Variants in DDX25 observed in about 807,000 individuals in gnomAD.
DDX25 encodes the protein DEAD-box helicase 25.
In DDX25, 70 loss-of-function variants were observed where a neutral mutation model predicts 64.6. The observed-to-expected ratio is 1.08, with a 90% CI of 0.89 to 1.32. The LOEUF is 1.32. Ranked by LOEUF, DDX25 falls within the 40% of genes most tolerant of loss-of-function variation. The pLI, the probability that DDX25 is intolerant of heterozygous loss-of-function variation, is 0.00. For missense variants in DDX25, 587 were observed against 604.4 expected (o/e 0.97, Z 0.30); for synonymous variants, 211 against 213.3 (o/e 0.99, Z 0.09).
At chr11:125,914,570 A>ACCTGCTCC (rs1215682289) in intron 8 of DDX25, among the ~76,000 whole-genome samples, 1 of 152,202 alleles carries the variant, frequency 6.6e-6, no homozygotes, top group African/African-American at 2.4e-5. Context: ...AGGGGGATCC[A>ACCTGCTCC]CCTGCTCCTT....
At chr11:125,904,655 G>A (rs1436541981) in intron 1 of DDX25, 75 bp downstream of exon 1, 8 of 1,409,746 alleles carry the variant, frequency 5.7e-6, no homozygotes, top group African/African-American at 4.4e-5. Flanking sequence ...CGGCTGGGAG[G>A]GGAGGGAGAG....
chr11:125,919,951 T>C (rs1945090375), intron 10 of DDX25, among the ~76,000 whole-genome samples: 2 of 152,196 alleles, frequency 1.3e-5, no homozygotes, highest in Admixed American at 1.3e-4. Context: ...TATAGCCACA[T>C]GGTGCTAACA....
rs1296526313 is a variant in DDX25 at position 125,911,485 on chromosome 11, A to G, written c.797A>G (p.Gln266Arg). 9 of 1,613,450 alleles carry G rather than the reference A, an allele frequency of 5.6e-6. No homozygotes were observed. Among genetic ancestry groups the G allele is most frequent in the African/African-American group, 1.3e-5 (1 of 74,926 alleles). The change falls in exon 8 of 12, where the codon CAA becomes CGA. Residue 266 changes from glutamine to arginine, a missense_variant. Gln to Arg is a conservative substitution (Grantham distance 43). Transcript: ENST00000263576. ...TTCTCAGATCATAGTATTCGTATTC[A>G]AAGGTAATCTTCAGAGTCTTCCTCT... ...QGFSDHSIRI[Q>R]RALPSECQML...
Position 125,917,212 on chromosome 11 carries a change from T to C in DDX25, c.999T>C (p.Tyr333=). The C allele has an allele frequency of 1.9e-6, 3 of 1,609,964 alleles. No homozygotes were observed. Among genetic ancestry groups the C allele is most frequent in the Non-Finnish European group, 2.5e-6 (3 of 1,178,360 alleles). The change falls in exon 9 of 12, where the codon TAT becomes TAC. Residue 333 remains tyrosine, a synonymous_variant. Transcript: ENST00000263576. The part of the protein sequence containing the change: ...KDKYQALCNI[Y]GSITIGQAII... ...AATACCAAGCTCTGTGCAACATTTATGGCAGCATCACCATTGGTCAGGCCA... is the reference window on the plus strand; with the variant it reads ...AATACCAAGCTCTGTGCAACATTTACGGCAGCATCACCATTGGTCAGGCCA...
intron 7 of DDX25, 122 bp from the exon 8 acceptor site, chr11:125,911,189 C>T: frequency 4.2e-6 from 4 of 959,144 alleles, no homozygotes; most frequent in Non-Finnish European, 5.6e-6. Context: ...CTCGGGGTTT[C>T]CACTTGGAAA....
intron 10 of DDX25, among the ~76,000 whole-genome samples, chr11:125,919,689 C>G (rs957747237): frequency 6.6e-6 from 1 of 151,820 alleles, no homozygotes; most frequent in African/African-American, 2.4e-5. Context: ...ACCTGCCATG[C>G]TAGGAGTGGA....
intron 11 of DDX25, 111 bp from the exon 12 acceptor site, chr11:125,922,709 C>T: frequency 1.0e-6 from 1 of 981,744 alleles, no homozygotes; most frequent in Non-Finnish European, 1.5e-6. Flanking sequence ...CCTTATGTTC[C>T]TATACCAAGG....
intron 6 of DDX25, among the ~76,000 whole-genome samples, chr11:125,910,106 T>C (rs1944947302): frequency 6.6e-6 from 1 of 152,162 alleles, no homozygotes. Context: ...TAGTAACTTG[T>C]GTTTCTAAAT....
At chr11:125,905,045 A>C (rs949599077) in intron 1 of DDX25, among the ~76,000 whole-genome samples, 167 bp from the exon 2 acceptor site, 1 of 152,200 alleles carries the variant, frequency 6.6e-6, no homozygotes, top group African/African-American at 2.4e-5. Flanking sequence ...AGGGTAACTC[A>C]TACAGGAAAC....
rs867532060 is a variant in DDX25, at chr11:125,924,573, G to C, written c.*1692G>C. 2 of 152,202 alleles carry C rather than the reference G, an allele frequency of 1.3e-5. No homozygotes were observed. Among genetic ancestry groups the C allele is most frequent in the African/African-American group, 2.4e-5 (1 of 41,434 alleles). The allele number at this position is 152,202 out of a possible 1,614,324, so 9.4% of individuals were successfully genotyped here. A position where few individuals can be genotyped will look rare whatever the true frequency, so the allele number is the denominator to read the frequency against. On this transcript the variant is annotated 3_prime_UTR_variant, in exon 12 of 12. Transcript: ENST00000263576. Reference sequence around the variant, plus strand: ...ACTGTGCCTTCTCAGCATGGACTTTGTACCACCCAGCAACTTTCTAACCTG... The same window carrying C: ...ACTGTGCCTTCTCAGCATGGACTTTCTACCACCCAGCAACTTTCTAACCTG...
At chr11:125,916,183 C>T (rs547114554) in intron 8 of DDX25, among the ~76,000 whole-genome samples, 4 of 152,228 alleles carry the variant, frequency 2.6e-5, no homozygotes, top group African/African-American at 9.6e-5. Context: ...TCAAAAGAGC[C>T]GATTTCCCTC....
At position 125,921,164 on chromosome 11, in the gene DDX25, G is replaced by A; in HGVS notation, c.1202-27G>A. On this transcript the variant is annotated intron_variant, in intron 10 of 11. Coordinates refer to ENST00000263576, the MANE Select transcript of DDX25 (RefSeq NM_013264.5). This position sits in a 1 kb window ranked among gnomAD's most constrained non-coding sequence, Gnocchi z 4.1. ...CCGTGTACTGAGGAAAGCATTGCAGGACCCTACAGTGTTTTTCCTCTTCTA... is the reference window on the plus strand; with the variant it reads ...CCGTGTACTGAGGAAAGCATTGCAGAACCCTACAGTGTTTTTCCTCTTCTA... The A allele has an allele frequency of 6.3e-7, 1 of 1,593,200 alleles. No individual in the cohort carries two copies. The highest frequency in any genetic ancestry group is 8.6e-7 in the Non-Finnish European group (1 of 1,169,302).
rs2134287228 is a variant in DDX25 at position 125,923,344 on chromosome 11, CCATGCATGCA to C, written c.*472_*481del. 6.5e-6 allele frequency: 1 copy of C among 154,564 alleles called. No individual in the cohort carries two copies. Among genetic ancestry groups the C allele is most frequent in the East Asian group, 1.9e-4 (1 of 5,232 alleles). 9.6% of individuals were successfully genotyped at this position (154,564 alleles called of 1,614,324 possible). A position where few individuals can be genotyped will look rare whatever the true frequency, so the allele number is the denominator to read the frequency against. On this transcript the variant is annotated 3_prime_UTR_variant, in exon 12 of 12. Coordinates refer to ENST00000263576, the MANE Select transcript of DDX25 (RefSeq NM_013264.5). ...TCCCCGCTCCCCGCCTTAAACTCCC[CCATGCATGCA>C]CATGCATGTTCTTAAGTGAAAGTAC...
In DDX25 at chr11:125,921,140, C is replaced by G. The variant is rs562824425; in HGVS notation, c.1202-51C>G. ...TGGCAGACGTGGTACTTGAATGGCCCGTGTACTGAGGAAAGCATTGCAGGA... is the reference window on the plus strand; with the variant it reads ...TGGCAGACGTGGTACTTGAATGGCCGGTGTACTGAGGAAAGCATTGCAGGA... On this transcript the variant is annotated intron_variant, in intron 10 of 11. Transcript: ENST00000263576. The surrounding 1 kb of genome is among the most constrained non-coding windows in gnomAD (Gnocchi z 4.1). The G allele has an allele frequency of 6.5e-7, 1 of 1,536,094 alleles. No individual in the cohort carries two copies. Among genetic ancestry groups the G allele is most frequent in the Non-Finnish European group, 8.8e-7 (1 of 1,135,222 alleles).
intron 4 of DDX25, among the ~76,000 whole-genome samples, chr11:125,907,695 A>G (rs1176549397): frequency 3.9e-5 from 6 of 152,198 alleles, no homozygotes; most frequent in Admixed American, 3.9e-4. Flanking sequence ...GCTGCATTTT[A>G]AAATATTGCC....
At chr11:125,908,538 G>T (rs1482701276) in intron 6 of DDX25, 35 bp downstream of exon 6, 1 of 1,589,032 alleles carries the variant, frequency 6.3e-7, no homozygotes, top group African/African-American at 1.3e-5. Flanking sequence ...GGGAATGCTT[G>T]CACTACCAGT....
chr11:125,923,410 TGAAA>T lies in DDX25; in HGVS notation c.*536_*539del, dbSNP rs1945138046. 6.6e-6 allele frequency: 1 copy of T among 152,356 alleles called. No individual in the cohort carries two copies. The highest frequency in any genetic ancestry group is 6.5e-5 in the Admixed American group (1 of 15,294). 9.4% of individuals were successfully genotyped at this position (152,356 alleles called of 1,614,324 possible). A position where few individuals can be genotyped will look rare whatever the true frequency, so the allele number is the denominator to read the frequency against. On this transcript the variant is annotated 3_prime_UTR_variant, in exon 12 of 12. Coordinates refer to ENST00000263576, the MANE Select transcript of DDX25 (RefSeq NM_013264.5). ...AAAACTTTTAAAAAGTGAAACCATT[TGAAA>T]GAAAGAGTATTTTACTTCTTTAATG...
At chr11:125,907,306 G>A (rs1944900625) in intron 4 of DDX25, among the ~76,000 whole-genome samples, 1 of 152,172 alleles carries the variant, frequency 6.6e-6, no homozygotes, top group Non-Finnish European at 1.5e-5. Context: ...AAATGTGCAT[G>A]TCATTAAAAG....
rs921793354 is a variant in DDX25 at position 125,904,561 on chromosome 11, G to C, written c.44G>C (p.Ser15Thr). 22 of 1,495,928 alleles carry C rather than the reference G, an allele frequency of 1.5e-5. No homozygotes were observed. In the African/African-American group the frequency reaches 2.8e-4, roughly 19 times the overall value. The allele number at this position is 1,495,928 out of a possible 1,614,324, so 92.7% of individuals were successfully genotyped here. A position where few individuals can be genotyped will look rare whatever the true frequency, so the allele number is the denominator to read the frequency against. The change falls in exon 1 of 12, where the codon AGC (serine) becomes ACC (threonine). Residue 15 changes from serine (S) to threonine (T), a missense_variant. Ser to Thr is a moderately conservative substitution (Grantham distance 58). Transcript: ENST00000263576. ...LWGGDAGAAE[S>T]ERLNSHFSNL... ...GGAGGCGACGCAGGGGCGGCGGAGA[G>C]CGAGCGGCTGAACAGCCACGTAACC...
Sources: gnomAD v4.1 joint callset for allele counts (sites outside exome capture counted in the v4.1 genomes callset) on GRCh38, gnomAD v4.1.1 for gene constraint, Gnocchi (gnomAD v3.1) non-coding constraint, MANE v1.5 for transcripts, NCBI Gene and HGNC (gene_info 2026-07-23, HGNC 2026-07-21) for gene names.